Variants in GRM8 observed in about 807,000 individuals in gnomAD.
GRM8 encodes the protein glutamate metabotropic receptor 8, also known as metabotropic glutamate receptor 8.
A neutral mutation model predicts 87.2 loss-of-function variants in GRM8; 47 were observed. The ratio of observed to expected loss-of-function variants is 0.54; its 90% CI spans 0.43 to 0.69. The LOEUF is 0.69. Among genes scored for constraint, GRM8 ranks in the 30% least tolerant of loss-of-function variants. The pLI is 0.00. For synonymous variants in GRM8, 396 were observed against 404.5 expected, an observed-to-expected ratio of 0.98 and a Z score of 0.25; for missense variants, 1,019 against 1,139.2, an observed-to-expected ratio of 0.89 and a Z score of 1.52.
chr7:127,022,525 G>A (rs1816378487), intron 3 of GRM8, among the ~76,000 whole-genome samples: 2 of 151,982 alleles, frequency 1.3e-5, no homozygotes, highest in Non-Finnish European at 2.9e-5. Flanking sequence ...GGGGTGGAGG[G>A]AGGAATGGGG....
At chr7:126,878,177 T>C (rs959028152) in intron 6 of GRM8, among the ~76,000 whole-genome samples, 2 of 152,214 alleles carry the variant, frequency 1.3e-5, no homozygotes, top group African/African-American at 4.8e-5. Flanking sequence ...CATGCTCCAT[T>C]TGTGAATGAG....
intron 2 of GRM8, among the ~76,000 whole-genome samples, chr7:127,161,792 G>A (rs540534702): frequency 4.6e-5 from 7 of 151,906 alleles, no homozygotes; most frequent in Non-Finnish European, 1.0e-4. Flanking sequence ...AAAAATATAT[G>A]TATAAAAAAA....
intron 6 of GRM8, among the ~76,000 whole-genome samples, chr7:126,889,837 A>T (rs1800830477): frequency 4.6e-5 from 7 of 152,106 alleles, no homozygotes; most frequent in Admixed American, 3.9e-4. Flanking sequence ...ATATCTTAAA[A>T]TGAGGGATGC....
At chr7:126,722,824 T>C (rs932451374) in intron 7 of GRM8, among the ~76,000 whole-genome samples, 1 of 150,616 alleles carries the variant, frequency 6.6e-6, no homozygotes, top group Non-Finnish European at 1.5e-5. Context: ...GGAGAGGGGC[T>C]ATCACCCAAT....
intron 6 of GRM8, among the ~76,000 whole-genome samples, chr7:126,788,923 T>C (rs921474394): frequency 6.6e-5 from 10 of 152,182 alleles, no homozygotes; most frequent in Admixed American, 3.3e-4. Context: ...CAGAGTGTAT[T>C]TGAAATCTTA....
intron 2 of GRM8, among the ~76,000 whole-genome samples, chr7:127,161,538 T>C (rs1793116193): frequency 6.6e-6 from 1 of 152,172 alleles, no homozygotes; most frequent in Admixed American, 6.5e-5. Flanking sequence ...ATTGCATTAC[T>C]TTAGTGCATG....
intron 3 of GRM8, among the ~76,000 whole-genome samples, chr7:127,005,628 C>G (rs1301971922): frequency 5.3e-5 from 8 of 151,696 alleles, no homozygotes; most frequent in Admixed American, 5.3e-4. Flanking sequence ...CAATCACTCC[C>G]TTGCATTTAA....
Position 126,783,751 on chromosome 7 carries a change from C to T in GRM8, c.1157-13686G>A, listed in dbSNP as rs1189016242. 2.0e-5 allele frequency among the ~76,000 whole-genome samples: 3 copies of T among 152,080 alleles called. No individual in the cohort carries two copies. The South Asian group carries it at 6.2e-4, about 32-fold the overall frequency. On this transcript the variant is annotated intron_variant, in intron 6 of 10. Transcript: ENST00000339582. ...TCACATGGACTGGCAGGATAATTTC[C>T]ATAATAGAGGAAATAGATCATCTGA...
chr7:126,974,565 T>C (rs866836499), intron 3 of GRM8, among the ~76,000 whole-genome samples: 1 of 152,012 alleles, frequency 6.6e-6, no homozygotes, highest in Non-Finnish European at 1.5e-5. Flanking sequence ...CTGGAACTGA[T>C]GAAATAAGGT....
intron 3 of GRM8, among the ~76,000 whole-genome samples, chr7:127,017,254 A>G (rs946289702): frequency 6.6e-6 from 1 of 152,060 alleles, no homozygotes; most frequent in Admixed American, 6.6e-5. Flanking sequence ...AAATTTTACT[A>G]CAAAGTAATC....
chr7:126,613,747 G>A (rs1203159855), intron 7 of GRM8, among the ~76,000 whole-genome samples: 2 of 152,224 alleles, frequency 1.3e-5, no homozygotes, highest in Non-Finnish European at 2.9e-5. Context: ...ACCTGGCTCA[G>A]AGGGTCCCAT....
intron 6 of GRM8, among the ~76,000 whole-genome samples, chr7:126,855,439 C>A (rs1227020722): frequency 6.6e-6 from 1 of 151,182 alleles, no homozygotes; most frequent in African/African-American, 2.4e-5. Context: ...GTCACAGAAC[C>A]AGAATTTGTA....
chr7:127,210,700 A>G (rs990330138), intron 2 of GRM8, among the ~76,000 whole-genome samples: 1 of 152,188 alleles, frequency 6.6e-6, no homozygotes, highest in African/African-American at 2.4e-5. Flanking sequence ...TTTCCACTGG[A>G]TGGTCTTCAC....
intron 3 of GRM8, among the ~76,000 whole-genome samples, chr7:126,941,329 C>T (rs953002521): frequency 2.0e-5 from 3 of 151,770 alleles, no homozygotes; most frequent in Non-Finnish European, 4.4e-5. Flanking sequence ...TGTTTCAGGC[C>T]TTGCGCGGTG....
intron 6 of GRM8, among the ~76,000 whole-genome samples, chr7:126,885,562 A>G (rs1317674047): frequency 6.6e-6 from 1 of 152,168 alleles, no homozygotes; most frequent in African/African-American, 2.4e-5. Flanking sequence ...AACAGAACAC[A>G]GGAAGAAAAG....
chr7:126,468,209 A>G (rs1489637253), intron 9 of GRM8, among the ~76,000 whole-genome samples: 2 of 152,042 alleles, frequency 1.3e-5, no homozygotes, highest in Non-Finnish European at 2.9e-5. Flanking sequence ...CAACTGGTGC[A>G]AAAAGAATTG....
At chr7:126,571,823 C>G (rs924734244) in intron 8 of GRM8, among the ~76,000 whole-genome samples, 3 of 151,854 alleles carry the variant, frequency 2.0e-5, no homozygotes, top group Admixed American at 2.0e-4. Flanking sequence ...TCACTGCAAC[C>G]TCTGCCTCCT....
intron 8 of GRM8, among the ~76,000 whole-genome samples, chr7:126,590,502 C>G (rs760890926): frequency 2.0e-5 from 3 of 152,014 alleles, no homozygotes; most frequent in Non-Finnish European, 2.9e-5. Context: ...TCTAGACATT[C>G]AAATACAAGA....
At chr7:126,731,075 C>A (rs1813531328) in intron 7 of GRM8, among the ~76,000 whole-genome samples, 1 of 152,030 alleles carries the variant, frequency 6.6e-6, no homozygotes, top group Admixed American at 6.6e-5. Context: ...AGAATGAAGA[C>A]TTTAGATGAA....
Sources: allele counts gnomAD v4.1 joint callset (sites outside exome capture counted in the v4.1 genomes callset), GRCh38; gene constraint gnomAD v4.1.1; transcripts MANE v1.5; gene names NCBI Gene and HGNC (gene_info 2026-07-23, HGNC 2026-07-21).